RBM26: variants seen among roughly 807,000 people sequenced by gnomAD.
RBM26 encodes the protein RNA binding motif protein 26, also known as RNA-binding protein 26.
Under a neutral mutation model 123.6 loss-of-function variants are expected in RBM26, and 30 were observed. The ratio of observed to expected loss-of-function variants is 0.24; its 90% confidence interval spans 0.18 to 0.33. The LOEUF is 0.33. Ranked by LOEUF, RBM26 falls within the 10% of genes least tolerant of loss-of-function variation. RBM26 has a pLI of 1.00. For missense variants in RBM26, 947 were observed against 1,203.6 expected (o/e 0.79, Z 3.15); for synonymous variants, 400 against 404.4 (o/e 0.99, Z 0.13).
chr13:79,352,256 C>T (rs375315898), intron 14 of RBM26, among the ~76,000 whole-genome samples: 47 of 152,218 alleles, frequency 3.1e-4, no homozygotes, highest in Admixed American at 1.2e-3. Flanking sequence ...TCCCAATCTT[C>T]AGACTGAAAA....
intron 17 of RBM26, 80 bp from the exon 18 acceptor site, chr13:79,341,307 C>A: frequency 1.2e-6 from 1 of 835,996 alleles, no homozygotes; most frequent in South Asian, 1.7e-5. Flanking sequence ...GTAACTTTTA[C>A]GCAGTCCCAT....
Position 79,337,253 on chromosome 13 carries a change from G to A in RBM26, c.2582C>T (p.Ser861Leu). Residue 861 changes from serine (S) to leucine (L), a missense_variant, in exon 19 of 22, where the codon TCA becomes TTA. Around this residue, in one of 5 missense-constraint regions of RBM26, gnomAD observed 164 missense variants for 215.3 expected, o/e 0.76. Coordinates refer to ENST00000438737, the MANE Select transcript of RBM26 (RefSeq NM_001366735.2). ...LSSGRGRGIH[S>L]RGRGAVHGRG... ...GCCATGAACTGCACCTCGACCTCTT[G>A]AATGAATTCCTCTGCCCCGACCAGA... is the stretch of plus-strand genomic sequence containing the variant. 1 of 1,614,088 alleles carries A rather than the reference G, an allele frequency of 6.2e-7. No individual in the cohort carries two copies. The highest frequency in any genetic ancestry group is 8.5e-7 in the Non-Finnish European group (1 of 1,180,018).
At chr13:79,320,980 A>G (rs1386114815) in intron 21 of RBM26, among the ~76,000 whole-genome samples, 2 of 151,256 alleles carry the variant, frequency 1.3e-5, no homozygotes, top group Non-Finnish European at 3.0e-5. Flanking sequence ...TCTTTAGCAA[A>G]TTACGCCATC....
intron 5 of RBM26, among the ~76,000 whole-genome samples, chr13:79,369,619 G>C (rs893753057): frequency 6.6e-6 from 1 of 152,046 alleles, no homozygotes; most frequent in African/African-American, 2.4e-5. Context: ...AGTATTAAGA[G>C]TAGCAAAAAA....
rs75761255 is a variant in RBM26, at chr13:79,403,940, T to C, written c.71+1764A>G. The stretch of plus-strand genomic sequence containing the variant: ...ACTCCTCTCTTTTGCCATACACTTG[T>C]TTTTTAATGACATAAAGCCCAGTTT... On this transcript the variant is annotated intron_variant, in intron 1 of 21. Coordinates refer to ENST00000438737, the MANE Select transcript of RBM26 (RefSeq NM_001366735.2). Among the ~76,000 whole-genome samples, 568 of 152,336 alleles carry C rather than the reference T, an allele frequency of 3.7e-3. 3 individuals carry two copies. The highest frequency in any genetic ancestry group is 0.013 in the African/African-American group (537 of 41,568).
chr13:79,388,855 A>T (rs2077703611), intron 1 of RBM26, among the ~76,000 whole-genome samples: 1 of 152,242 alleles, frequency 6.6e-6, no homozygotes, highest in South Asian at 2.1e-4. Flanking sequence ...GAAACGTCAC[A>T]ATGACAATTT....
intron 5 of RBM26, among the ~76,000 whole-genome samples, chr13:79,370,276 A>G (rs1415938043): frequency 6.6e-6 from 1 of 152,188 alleles, no homozygotes; most frequent in Admixed American, 6.5e-5. Flanking sequence ...AAACAGCACC[A>G]CTGCACTCCA....
At position 79,319,881 on chromosome 13, in the gene RBM26, T is replaced by G; in HGVS notation, c.*740A>C. 1.0e-6 allele frequency: 1 copy of G among 974,410 alleles called. No individual in the cohort carries two copies. Among genetic ancestry groups the G allele is most frequent in the Non-Finnish European group, 1.2e-6 (1 of 821,274 alleles). 60.4% of individuals were successfully genotyped at this position (974,410 alleles called of 1,614,324 possible). ...AAGGGTAGATCACCATCTGGAATGG[T>G]CTATTTTAATTTTTTTCTTTTCTTT... On this transcript the variant is annotated 3_prime_UTR_variant, in exon 22 of 22. Coordinates refer to ENST00000438737, the MANE Select transcript of RBM26 (RefSeq NM_001366735.2).
intron 21 of RBM26, 31 bp from the exon 22 acceptor site, chr13:79,320,741 C>CT: frequency 8.5e-7 from 1 of 1,174,452 alleles, no homozygotes; most frequent in South Asian, 1.9e-5. Flanking sequence ...AGGAATTTAC[C>CT]CAAAAAAAAA....
chr13:79,389,373 CAT>C (rs1258552347), intron 1 of RBM26, among the ~76,000 whole-genome samples: 5 of 152,032 alleles, frequency 3.3e-5, no homozygotes, highest in East Asian at 1.9e-4. Context: ...CAAACATACA[CAT>C]AGAGGAAGAT....
chr13:79,328,486 A>G (rs1297497252), intron 20 of RBM26, among the ~76,000 whole-genome samples: 1 of 151,724 alleles, frequency 6.6e-6, no homozygotes, highest in Non-Finnish European at 1.5e-5. Context: ...GAAAAAAAAA[A>G]GCCTATTAAT....
At chr13:79,356,615 AGAT>A (rs2074044436) in intron 11 of RBM26, among the ~76,000 whole-genome samples, 1 of 152,188 alleles carries the variant, frequency 6.6e-6, no homozygotes, top group South Asian at 2.1e-4. Flanking sequence ...ATAACTATAA[AGAT>A]AATTTTGGTA....
At chr13:79,356,719 T>C (rs556604448) in intron 11 of RBM26, among the ~76,000 whole-genome samples, 88 of 152,260 alleles carry the variant, frequency 5.8e-4, no homozygotes, top group African/African-American at 1.9e-3. Flanking sequence ...GTTTTGAAAA[T>C]TGATTTTGAA....
chr13:79,327,681 T>C (rs1473616351), intron 20 of RBM26, among the ~76,000 whole-genome samples: 1 of 152,078 alleles, frequency 6.6e-6, no homozygotes, highest in Non-Finnish European at 1.5e-5. Context: ...GAAAATATTA[T>C]GGAACAAAAG....
intron 20 of RBM26, among the ~76,000 whole-genome samples, chr13:79,327,970 A>G (rs768570355): frequency 6.6e-5 from 10 of 152,260 alleles, no homozygotes; most frequent in Non-Finnish European, 1.2e-4. Flanking sequence ...CACTAGTAAT[A>G]TATACTGGCT....
intron 15 of RBM26, 145 bp downstream of exon 15, chr13:79,344,524 C>A: frequency 1.2e-6 from 1 of 843,970 alleles, no homozygotes; most frequent in East Asian, 2.6e-5. Flanking sequence ...TTTTTATTTA[C>A]CGCTATACTA....
chr13:79,354,343 T>C (rs2073698830), intron 13 of RBM26, 96 bp downstream of exon 13: 67 of 1,076,846 alleles, frequency 6.2e-5, no homozygotes, highest in Non-Finnish European at 7.7e-5. Flanking sequence ...CATATTTCTA[T>C]GTAAAATATA....
chr13:79,328,235 C>A (rs2068733157), intron 20 of RBM26, among the ~76,000 whole-genome samples: 1 of 152,002 alleles, frequency 6.6e-6, no homozygotes, highest in South Asian at 2.1e-4. Flanking sequence ...ACTGCCCTGA[C>A]AAACTACTGA....
rs999413656 is a variant in RBM26, at chr13:79,391,772, A to C, written c.72-12865T>G. Among the ~76,000 whole-genome samples the C allele has an allele frequency of 5.9e-5, 9 of 151,984 alleles. No homozygotes were observed. The East Asian group carries it at 1.7e-3, about 29-fold the overall frequency. ...TTACCATAAGCAGAATCAAAACATA[A>C]ATGTCAGTATGGGAAAGAGAAAGTT... is the stretch of plus-strand genomic sequence containing the variant. On this transcript the variant is annotated intron_variant, in intron 1 of 21. Coordinates refer to ENST00000438737, the MANE Select transcript of RBM26 (RefSeq NM_001366735.2).
Sources: gnomAD v4.1 joint callset for allele counts (sites outside exome capture counted in the v4.1 genomes callset) on GRCh38, gnomAD v4.1.1 for gene constraint, gnomAD v4.1.1 regional missense constraint, MANE v1.5 for transcripts, NCBI Gene and HGNC (gene_info 2026-07-23, HGNC 2026-07-21) for gene names.